The following KAZN variants were observed in gnomAD, a reference collection of about 807,000 sequenced individuals.
KAZN encodes kazrin, periplakin interacting protein.
A neutral mutation model predicts 87.4 loss-of-function variants in KAZN; 40 were observed. The ratio of observed to expected loss-of-function variants is 0.46; its 90% CI spans 0.36 to 0.60. The LOEUF (loss-of-function observed/expected upper bound fraction) is 0.60, where lower values mean the gene tolerates loss of function less well. Ranked by LOEUF, KAZN falls within the 20% of genes least tolerant of loss-of-function variation. The pLI is 0.00. For missense variants in KAZN, 898 were observed against 1,073.9 expected (o/e 0.84, Z 2.29); for synonymous variants, 466 against 458.3 (o/e 1.02, Z -0.22).
At chr1:14,504,517 G>A (rs1485853267) in intron 2 of KAZN, among the ~76,000 whole-genome samples, 1 of 152,196 alleles carries the variant, frequency 6.6e-6, no homozygotes, top group Admixed American at 6.5e-5. Context: ...AAGGAAGCCA[G>A]GAGAAGGTGC....
chr1:13,966,117 C>T (rs1641933162), intron 1 of KAZN, among the ~76,000 whole-genome samples: 1 of 151,996 alleles, frequency 6.6e-6, no homozygotes, highest in Non-Finnish European at 1.5e-5. Context: ...GCTGCTCCTT[C>T]CCTTCCTCAA....
intron 1 of KAZN, among the ~76,000 whole-genome samples, chr1:14,614,706 C>T (rs901020815): frequency 5.9e-5 from 9 of 152,206 alleles, no homozygotes; most frequent in East Asian, 1.9e-4. Flanking sequence ...TTGGCAGCCA[C>T]GGTATGTTGT....
At chr1:15,036,347 T>TGCCCGCCCAGCTCCCTCTGCCTA (rs2100243163) in intron 3 of KAZN, among the ~76,000 whole-genome samples, 1 of 131,624 alleles carries the variant, frequency 7.6e-6, no homozygotes, top group African/African-American at 2.9e-5. Context: ...CCCCCTGCCC[T>TGCCCGCCCAGCTCCCTCTGCCTA]GCCTGCTCGG....
chr1:14,570,780 C>T (rs1232512878), intron 2 of KAZN, among the ~76,000 whole-genome samples: 2 of 152,174 alleles, frequency 1.3e-5, no homozygotes, highest in Admixed American at 1.3e-4. Flanking sequence ...TAATTTTATG[C>T]TTAACATCTT....
At chr1:13,967,817 A>G (rs1641998533) in intron 1 of KAZN, among the ~76,000 whole-genome samples, 1 of 152,176 alleles carries the variant, frequency 6.6e-6, no homozygotes, top group South Asian at 2.1e-4. Flanking sequence ...GCGGGGCTGG[A>G]TCTGCTCTCA....
At chr1:14,980,654 A>G (rs1666146872) in intron 2 of KAZN, among the ~76,000 whole-genome samples, 1 of 152,174 alleles carries the variant, frequency 6.6e-6, no homozygotes, top group African/African-American at 2.4e-5. Flanking sequence ...AGGACACAAC[A>G]GGCCCCATTC....
At chr1:14,713,618 A>G (rs1163544542) in intron 1 of KAZN, among the ~76,000 whole-genome samples, 1 of 151,986 alleles carries the variant, frequency 6.6e-6, no homozygotes, top group Non-Finnish European at 1.5e-5. Flanking sequence ...CCCTCACAGC[A>G]AAGACTTACC....
At chr1:14,557,761 A>T (rs2148522543) in intron 2 of KAZN, among the ~76,000 whole-genome samples, 1 of 151,952 alleles carries the variant, frequency 6.6e-6, no homozygotes, top group East Asian at 1.9e-4. Flanking sequence ...TGAAAGGTGA[A>T]TTGGCAAGCT....
At chr1:13,966,935 G>A in intron 1 of KAZN, among the ~76,000 whole-genome samples, 1 of 151,800 alleles carries the variant, frequency 6.6e-6, no homozygotes, top group Non-Finnish European at 1.5e-5. Flanking sequence ...CAGTACTATT[G>A]GACAGCACTG....
chr1:15,016,261 T>C (rs1409570937), intron 2 of KAZN, among the ~76,000 whole-genome samples: 1 of 152,178 alleles, frequency 6.6e-6, no homozygotes, highest in Non-Finnish European at 1.5e-5. Flanking sequence ...GATTTCGAGC[T>C]TCTGGCCTCT....
chr1:14,549,874 T>C (rs931466569), intron 2 of KAZN, among the ~76,000 whole-genome samples: 1 of 152,228 alleles, frequency 6.6e-6, no homozygotes, highest in South Asian at 2.1e-4. Context: ...TTCACCACTC[T>C]GGTTTTCTCT....
chr1:14,632,713 T>A (rs1220607393), intron 1 of KAZN, among the ~76,000 whole-genome samples: 1 of 152,006 alleles, frequency 6.6e-6, no homozygotes. Context: ...AGACCGCAAG[T>A]GTAAACCTGG....
intron 2 of KAZN, among the ~76,000 whole-genome samples, chr1:14,262,846 A>G (rs936919130): frequency 3.9e-5 from 6 of 152,240 alleles, no homozygotes; most frequent in African/African-American, 1.2e-4. Flanking sequence ...GCTTGTAGCT[A>G]GAACTGAGAA....
chr1:14,622,756 G>A (rs1678816469), intron 1 of KAZN, among the ~76,000 whole-genome samples: 1 of 151,186 alleles, frequency 6.6e-6, no homozygotes, highest in African/African-American at 2.4e-5. Flanking sequence ...CACCTGAAAT[G>A]AAATTCAGAT....
At chr1:14,978,790 G>T (rs960214388) in intron 2 of KAZN, among the ~76,000 whole-genome samples, 1 of 152,120 alleles carries the variant, frequency 6.6e-6, no homozygotes, top group South Asian at 2.1e-4. Context: ...CTAGAAGGGG[G>T]TCTGACGCCC....
intron 1 of KAZN, among the ~76,000 whole-genome samples, chr1:14,758,930 A>C (rs887131778): frequency 6.6e-6 from 1 of 152,174 alleles, no homozygotes; most frequent in Non-Finnish European, 1.5e-5. Flanking sequence ...TGAAAGAGAA[A>C]GCATGAAAGT....
intron 1 of KAZN, among the ~76,000 whole-genome samples, chr1:13,966,166 C>T (rs556756273): frequency 1.8e-4 from 27 of 152,240 alleles, no homozygotes; most frequent in African/African-American, 6.0e-4. Context: ...GCTTTCTCTC[C>T]CTGCCTCCTC....
intron 2 of KAZN, among the ~76,000 whole-genome samples, chr1:14,444,411 C>A (rs1666863877): frequency 6.6e-6 from 1 of 150,616 alleles, no homozygotes; most frequent in African/African-American, 2.5e-5. Flanking sequence ...CTCCCAGGTC[C>A]AACTGATTCT....
rs560577684 is a variant in KAZN, at chr1:14,205,130, G to T, written c.249+24538G>T. ...AGTTGCAGGTGGTAGGTTAATAAAG[G>T]CCATGACTGAGCAGCCATCACTTAC... On this transcript the variant is annotated intron_variant, in intron 2 of 16. Transcript: ENST00000636203. Among the ~76,000 whole-genome samples, 12 of 152,272 alleles carry T rather than the reference G, an allele frequency of 7.9e-5. No homozygotes were observed. The East Asian group carries it at 2.3e-3, about 29-fold the overall frequency.
Sources: allele counts gnomAD v4.1 joint callset (sites outside exome capture counted in the v4.1 genomes callset), GRCh38; gene constraint gnomAD v4.1.1; transcripts MANE v1.5; gene names NCBI Gene and HGNC (gene_info 2026-07-23, HGNC 2026-07-21).